RGS6: variants seen among roughly 807,000 people sequenced by gnomAD.
RGS6 encodes regulator of G-protein signaling 6.
A neutral mutation model predicts 78.5 loss-of-function variants in RGS6; 30 were observed. The observed-to-expected ratio is 0.38, with a 90% CI of 0.29 to 0.52. The LOEUF (loss-of-function observed/expected upper bound fraction) is 0.52. Ranked by LOEUF, RGS6 falls within the 20% of genes least tolerant of loss-of-function variation. The pLI is 0.85. For missense variants in RGS6, 495 were observed against 609.7 expected (o/e 0.81, Z 1.98); for synonymous variants, 206 against 206.0 (o/e 1.00, Z 0.00).
In RGS6 at chr14:72,473,548, C is replaced by T. The variant is rs117700421; in HGVS notation, c.618+595C>T. ...TTGTGTCCCGAAGGTTTACATTCCC[C>T]AAATTAACAATTTCCATTTCCACTG... On this transcript the variant is annotated intron_variant, in intron 9 of 17. Transcript: ENST00000553525. Among the ~76,000 whole-genome samples the T allele has an allele frequency of 4.1e-4, 63 of 152,308 alleles. 1 individual carries two copies. The East Asian group carries it at 0.012, about 29-fold the overall frequency.
chr14:72,225,086 G>A (rs150085045), intron 2 of RGS6, among the ~76,000 whole-genome samples: 11 of 152,302 alleles, frequency 7.2e-5, no homozygotes, highest in African/African-American at 2.6e-4. Flanking sequence ...TTTAGCAAAA[G>A]AGCCATAACT....
chr14:71,922,891 A>AAAAC, the RGS6 span, among the ~76,000 whole-genome samples: 1 of 125,276 alleles, frequency 8.0e-6, no homozygotes, highest in Non-Finnish European at 1.8e-5. Context: ...CAAAACAAAA[A>AAAAC]AAGGAACCTA....
intron 2 of RGS6, among the ~76,000 whole-genome samples, chr14:72,008,274 A>G (rs897967965): frequency 6.6e-6 from 1 of 152,188 alleles, no homozygotes; most frequent in African/African-American, 2.4e-5. Context: ...ACATGCCTCT[A>G]TATCAAGAAG....
intron 2 of RGS6, among the ~76,000 whole-genome samples, chr14:72,214,507 T>G: frequency 6.6e-6 from 1 of 152,210 alleles, no homozygotes; most frequent in East Asian, 1.9e-4. Flanking sequence ...AAAACGTGAT[T>G]GAGCTACAAT....
chr14:71,983,320 C>T lies in RGS6; in HGVS notation c.84+18445C>T, dbSNP rs149346788. On this transcript the variant is annotated intron_variant, in intron 2 of 17. Coordinates refer to ENST00000553525, the MANE Select transcript of RGS6 (RefSeq NM_001204424.2). ...GAAAAGAAGCTTTACCTGGAGGAAACCTTACCTGACTCCAGAGACCTTTTT... is the reference window on the plus strand; with the variant it reads ...GAAAAGAAGCTTTACCTGGAGGAAATCTTACCTGACTCCAGAGACCTTTTT... 3.3e-3 allele frequency among the ~76,000 whole-genome samples: 506 copies of T among 152,300 alleles called. 4 individuals are homozygous for T. Among genetic ancestry groups the T allele is most frequent in the African/African-American group, 0.011 (463 of 41,562 alleles).
chr14:72,435,595 G>C (rs2094866994), intron 3 of RGS6, among the ~76,000 whole-genome samples: 1 of 151,812 alleles, frequency 6.6e-6, no homozygotes, highest in Admixed American at 6.6e-5. Context: ...TAAAATCCAG[G>C]TATTGGCAAC....
chr14:72,261,309 AGT>A (rs2058110988), intron 2 of RGS6, among the ~76,000 whole-genome samples: 1 of 152,172 alleles, frequency 6.6e-6, no homozygotes, highest in Admixed American at 6.5e-5. Context: ...TACGGCACAG[AGT>A]GATGGAGGAG....
chr14:72,009,589 A>G (rs745666928), intron 2 of RGS6, among the ~76,000 whole-genome samples: 6 of 152,228 alleles, frequency 3.9e-5, no homozygotes, highest in Non-Finnish European at 8.8e-5. Flanking sequence ...GAATAATATT[A>G]TATGAGTCCT....
chr14:72,418,237 A>G (rs1007520792), intron 3 of RGS6, among the ~76,000 whole-genome samples: 8 of 151,650 alleles, frequency 5.3e-5, no homozygotes, highest in African/African-American at 1.5e-4. Flanking sequence ...CATGATCTCA[A>G]CTCACTGCAA....
intron 1 of RGS6, among the ~76,000 whole-genome samples, chr14:71,951,763 T>A (rs934544711): frequency 1.3e-5 from 2 of 152,172 alleles, no homozygotes; most frequent in African/African-American, 4.8e-5. Flanking sequence ...TTTAGATCTG[T>A]CTCTCACGTC....
intron 15 of RGS6, among the ~76,000 whole-genome samples, chr14:72,521,652 TC>T (rs2097043914): frequency 6.6e-6 from 1 of 152,220 alleles, no homozygotes; most frequent in African/African-American, 2.4e-5. Context: ...CCTAAGCCAA[TC>T]CCTATTTTCA....
intron 3 of RGS6, among the ~76,000 whole-genome samples, chr14:72,413,513 T>C (rs1388131122): frequency 5.3e-5 from 8 of 152,340 alleles, no homozygotes; most frequent in Admixed American, 2.6e-4. Flanking sequence ...GGGTCTTGAC[T>C]CTATCCAATT....
chr14:72,194,260 A>G (rs72719887), intron 2 of RGS6, among the ~76,000 whole-genome samples: 457 of 152,360 alleles, frequency 3.0e-3, no homozygotes, highest in Non-Finnish European at 4.6e-3. Context: ...TCATTGACAC[A>G]TACTTGTTGA....
intron 17 of RGS6, chr14:72,553,390 C>A (rs1225428196): frequency 6.6e-6 from 1 of 152,646 alleles, no homozygotes; most frequent in South Asian, 2.1e-4. Context: ...ACTCTCTAAT[C>A]TGTGGAATCC....
At position 72,220,259 on chromosome 14, in the gene RGS6, A is replaced by G. The variant is rs555406585; in HGVS notation, c.85-131836A>G. Among the ~76,000 whole-genome samples, 7 of 152,282 alleles carry G rather than the reference A, an allele frequency of 4.6e-5. No homozygotes were observed. The East Asian group carries it at 9.6e-4, about 21-fold the overall frequency. On this transcript the variant is annotated intron_variant, in intron 2 of 17. Coordinates refer to ENST00000553525, the MANE Select transcript of RGS6 (RefSeq NM_001204424.2). Reference sequence around the variant, plus strand: ...GACAGCAAATTGAAAAACATTCCACATGAATTTTTTTTTTCCCATCTGAAT... The same window carrying G: ...GACAGCAAATTGAAAAACATTCCACGTGAATTTTTTTTTTCCCATCTGAAT...
chr14:72,180,430 A>G (rs2097159245), intron 2 of RGS6, among the ~76,000 whole-genome samples: 1 of 152,252 alleles, frequency 6.6e-6, no homozygotes, highest in African/African-American at 2.4e-5. Context: ...TACAAGACAG[A>G]TGAAGGCAAC....
chr14:72,627,139 C>T, the RGS6 span, among the ~76,000 whole-genome samples: 1 of 151,954 alleles, frequency 6.6e-6, no homozygotes, highest in Non-Finnish European at 1.5e-5. Context: ...ATGTTTTTGA[C>T]TATGCAAAAT....
At chr14:71,876,201 G>A in the RGS6 span, among the ~76,000 whole-genome samples, 1 of 152,110 alleles carries the variant, frequency 6.6e-6, no homozygotes. Context: ...GGATATCCTT[G>A]TTAACTTTCT....
intron 2 of RGS6, among the ~76,000 whole-genome samples, chr14:72,261,631 C>A (rs1000338142): frequency 1.3e-5 from 2 of 152,048 alleles, no homozygotes; most frequent in African/African-American, 4.8e-5. Context: ...ATTCAATGAA[C>A]CAGTTACCAA....
Sources: gnomAD v4.1 joint callset for allele counts (sites outside exome capture counted in the v4.1 genomes callset) on GRCh38, gnomAD v4.1.1 for gene constraint, MANE v1.5 for transcripts, NCBI Gene and HGNC (gene_info 2026-07-23, HGNC 2026-07-21) for gene names.